Variants in LRCH1 observed in about 807,000 individuals in gnomAD.
LRCH1 encodes the protein leucine rich repeats and calponin homology domain containing 1, also known as leucine-rich repeat and calponin homology domain-containing protein 1.
A neutral mutation model predicts 94.9 loss-of-function variants in LRCH1; 23 were observed. That is an observed-to-expected ratio of 0.24 (90% confidence interval 0.17 to 0.34). The LOEUF is 0.34. LRCH1 is among the 10% of genes least tolerant of loss of function. The pLI, the probability that LRCH1 is intolerant of heterozygous loss-of-function variation, is 1.00. For synonymous variants in LRCH1, 364 were observed against 354.9 expected, an observed-to-expected ratio of 1.03 and a Z score of -0.29; for missense variants, 790 against 945.9, an observed-to-expected ratio of 0.84 and a Z score of 2.16.
At chr13:46,588,977 G>A (rs919742291) in intron 1 of LRCH1, among the ~76,000 whole-genome samples, 2 of 151,650 alleles carry the variant, frequency 1.3e-5, no homozygotes, top group Non-Finnish European at 2.9e-5. Flanking sequence ...ATATATATAT[G>A]TTTTTTGCTG....
intron 10 of LRCH1, among the ~76,000 whole-genome samples, chr13:46,700,317 T>C (rs1871397428): frequency 6.6e-6 from 1 of 152,198 alleles, no homozygotes; most frequent in Non-Finnish European, 1.5e-5. Context: ...TTACATTCTA[T>C]GGTGGGAAGG....
In LRCH1 at chr13:46,743,277, ATAGT is replaced by A; in HGVS notation, c.*1433_*1436del. ...GGACTTGAAAATATGGAAGACCCACATAGTTAGAAGAATATATTTATAAAGATTC... is the reference window on the plus strand; with the variant it reads ...GGACTTGAAAATATGGAAGACCCACATAGAAGAATATATTTATAAAGATTC... On this transcript the variant is annotated 3_prime_UTR_variant, in exon 20 of 20. Transcript: ENST00000389797. 1.0e-6 allele frequency: 1 copy of A among 985,340 alleles called. No individual in the cohort carries two copies. The highest frequency in any genetic ancestry group is 1.2e-6 in the Non-Finnish European group (1 of 829,436). The allele number at this position is 985,340 out of a possible 1,614,324, so 61.0% of individuals were successfully genotyped here. A position where few individuals can be genotyped will look rare whatever the true frequency, so the allele number is the denominator to read the frequency against.
intron 1 of LRCH1, among the ~76,000 whole-genome samples, chr13:46,633,545 C>A (rs544673732): frequency 6.6e-6 from 1 of 152,336 alleles, no homozygotes; most frequent in South Asian, 2.1e-4. Flanking sequence ...GCCTATAGAG[C>A]CAAGCCTTCA....
At position 46,553,179 on chromosome 13, in the gene LRCH1, A is replaced by G. The variant is rs147843458; in HGVS notation, c.-218A>G. ...CGCCGCCGCCGCCGCCGCAGTCCTTAGCTTCCCGGGGACAGGAAACCTTCA... is the reference window on the plus strand; with the variant it reads ...CGCCGCCGCCGCCGCCGCAGTCCTTGGCTTCCCGGGGACAGGAAACCTTCA... On this transcript the variant is annotated 5_prime_UTR_variant, in exon 1 of 20. Coordinates refer to ENST00000389797, the MANE Select transcript of LRCH1 (RefSeq NM_001164211.2). 0.032 allele frequency: 18,076 copies of G among 563,854 alleles called. 414 individuals carry two copies. The highest frequency in any genetic ancestry group is 0.042 in the Non-Finnish European group (13,629 of 324,530). The allele number at this position is 563,854 out of a possible 1,614,324, so 34.9% of individuals were successfully genotyped here.
intron 1 of LRCH1, among the ~76,000 whole-genome samples, chr13:46,600,949 C>A (rs1886964): frequency 6.6e-6 from 1 of 152,126 alleles, no homozygotes; most frequent in Non-Finnish European, 1.5e-5. Context: ...TATTCAGTTA[C>A]TCAGTTTCAC....
At chr13:46,609,275 T>A (rs2050720889) in intron 1 of LRCH1, among the ~76,000 whole-genome samples, 1 of 152,098 alleles carries the variant, frequency 6.6e-6, no homozygotes, top group Non-Finnish European at 1.5e-5. Context: ...TGGGACAGAG[T>A]TATAGGGTTT....
chr13:46,622,972 T>G (rs946356039), intron 1 of LRCH1, among the ~76,000 whole-genome samples: 2 of 152,190 alleles, frequency 1.3e-5, no homozygotes, highest in African/African-American at 4.8e-5. Flanking sequence ...AAATAGCATT[T>G]GGGGAGAGAC....
chr13:46,578,877 G>A (rs1031945987), intron 1 of LRCH1, among the ~76,000 whole-genome samples: 6 of 152,138 alleles, frequency 3.9e-5, no homozygotes, highest in South Asian at 2.1e-4. Context: ...CCTGGTTGGC[G>A]GGAGGAGGGG....
rs1445208536 is a variant in LRCH1, at chr13:46,605,388, C to T, written c.308-44813C>T. On this transcript the variant is annotated intron_variant, in intron 1 of 19. Coordinates refer to ENST00000389797, the MANE Select transcript of LRCH1 (RefSeq NM_001164211.2). Reference sequence around the variant, plus strand: ...TTACAGAAGCCTTGTGCCTTTTATCCGTTCATATCCACTTTGAAAACTTAC... The same window carrying T: ...TTACAGAAGCCTTGTGCCTTTTATCTGTTCATATCCACTTTGAAAACTTAC... 3.3e-5 allele frequency among the ~76,000 whole-genome samples: 5 copies of T among 152,124 alleles called. No individual in the cohort carries two copies. The South Asian group carries it at 8.3e-4, about 25-fold the overall frequency.
In LRCH1 at chr13:46,744,259, T is replaced by G. The variant is rs1230854171; in HGVS notation, c.*2411T>G. The G allele has an allele frequency of 3.0e-6, 3 of 985,100 alleles. No individual in the cohort carries two copies. Among genetic ancestry groups the G allele is most frequent in the Middle Eastern group, 5.2e-4 (1 of 1,936 alleles). The allele number at this position is 985,100 out of a possible 1,614,324, so 61.0% of individuals were successfully genotyped here. ...GTCAGGGATGTCACTGAGTGGTTTATTGTGCTGACCAAATCTCCTCCTCAC... is the reference window on the plus strand; with the variant it reads ...GTCAGGGATGTCACTGAGTGGTTTAGTGTGCTGACCAAATCTCCTCCTCAC... On this transcript the variant is annotated 3_prime_UTR_variant, in exon 20 of 20. Coordinates refer to ENST00000389797, the MANE Select transcript of LRCH1 (RefSeq NM_001164211.2).
chr13:46,742,870 G>A lies in LRCH1; in HGVS notation c.*1022G>A. On this transcript the variant is annotated 3_prime_UTR_variant, in exon 20 of 20. Coordinates refer to ENST00000389797, the MANE Select transcript of LRCH1 (RefSeq NM_001164211.2). ...AAGAATGTAGTTTCTCTAATTATTTGAAATGTTCATTTAGCCTTTGATTTT... is the reference window on the plus strand; with the variant it reads ...AAGAATGTAGTTTCTCTAATTATTTAAAATGTTCATTTAGCCTTTGATTTT... The A allele has an allele frequency of 1.0e-6, 1 of 985,348 alleles. No individual in the cohort carries two copies. Among genetic ancestry groups the A allele is most frequent in the Non-Finnish European group, 1.2e-6 (1 of 829,894 alleles). 61.0% of individuals were successfully genotyped at this position (985,348 alleles called of 1,614,324 possible). A position where few individuals can be genotyped will look rare whatever the true frequency, so the allele number is the denominator to read the frequency against.
At chr13:46,711,172 C>T (rs1402434726) in intron 13 of LRCH1, among the ~76,000 whole-genome samples, 2 of 152,180 alleles carry the variant, frequency 1.3e-5, no homozygotes, top group African/African-American at 4.8e-5. Flanking sequence ...CCTGTGTTCT[C>T]CGTGGTATTC....
chr13:46,589,144 C>T (rs2050469806), intron 1 of LRCH1, among the ~76,000 whole-genome samples: 1 of 152,026 alleles, frequency 6.6e-6, no homozygotes, highest in East Asian at 1.9e-4. Flanking sequence ...TCAACTAATC[C>T]TCCCACCTCA....
In LRCH1 at chr13:46,732,781, G is replaced by T. The variant is rs1442079864; in HGVS notation, c.2008-1140G>T. 2.0e-5 allele frequency among the ~76,000 whole-genome samples: 3 copies of T among 152,188 alleles called. 1 individual carries two copies. The highest frequency in any genetic ancestry group is 4.4e-5 in the Non-Finnish European group (3 of 68,040). On this transcript the variant is annotated intron_variant, in intron 18 of 19. Transcript: ENST00000389797. ...AGTCATGTTCCTCAGGTCTGCTTCT[G>T]TTTGCACAAGGCTTCATGCAGTGGC...
At chr13:46,683,897 C>T (rs184447192) in intron 4 of LRCH1, among the ~76,000 whole-genome samples, 5 of 152,060 alleles carry the variant, frequency 3.3e-5, no homozygotes, top group South Asian at 4.1e-4. Context: ...CTTTTTGCTT[C>T]CCTCTGGAGA....
chr13:46,631,848 C>T (rs1297535346), intron 1 of LRCH1, among the ~76,000 whole-genome samples: 1 of 152,110 alleles, frequency 6.6e-6, no homozygotes, highest in African/African-American at 2.4e-5. Context: ...TACCTTTCTG[C>T]GTCTCCGTTT....
exon 19 of LRCH1, chr13:46,752,574 A>T (rs1874185141): frequency 6.6e-6 from 1 of 152,250 alleles, no homozygotes; most frequent in Admixed American, 6.5e-5. Flanking sequence ...GTCAAATAGC[A>T]TAATGATGTA....
In LRCH1 at chr13:46,743,653, T is replaced by C; in HGVS notation, c.*1805T>C. 1.0e-6 allele frequency: 1 copy of C among 985,352 alleles called. No individual in the cohort carries two copies. Among genetic ancestry groups the C allele is most frequent in the Non-Finnish European group, 1.2e-6 (1 of 829,894 alleles). 61.0% of individuals were successfully genotyped at this position (985,352 alleles called of 1,614,324 possible). A position where few individuals can be genotyped will look rare whatever the true frequency, so the allele number is the denominator to read the frequency against. On this transcript the variant is annotated 3_prime_UTR_variant, in exon 20 of 20. Coordinates refer to ENST00000389797, the MANE Select transcript of LRCH1 (RefSeq NM_001164211.2). ...TATTCATGAGCTCTCAGCATTCCCATCCAGCTCTGCAGTGCATTGAGGCTT... is the reference window on the plus strand; with the variant it reads ...TATTCATGAGCTCTCAGCATTCCCACCCAGCTCTGCAGTGCATTGAGGCTT...
intron 1 of LRCH1, among the ~76,000 whole-genome samples, chr13:46,598,994 C>T (rs1277550177): frequency 2.6e-5 from 4 of 152,190 alleles, no homozygotes; most frequent in African/African-American, 9.7e-5. Flanking sequence ...CTTCATCTCC[C>T]TCTCTCCAGC....
Sources: gnomAD v4.1 joint callset for allele counts (sites outside exome capture counted in the v4.1 genomes callset) on GRCh38, gnomAD v4.1.1 for gene constraint, MANE v1.5 for transcripts, NCBI Gene and HGNC (gene_info 2026-07-23, HGNC 2026-07-21) for gene names.